NES: variants seen among roughly 807,000 people sequenced by gnomAD.
NES encodes nestin.
NES carries 27 observed loss-of-function variants against 35.6 expected under a neutral mutation model. The observed-to-expected ratio is 0.76, with a 90% CI of 0.56 to 1.04. NES has a LOEUF of 1.04. NES is among the 50% of genes least tolerant of loss of function. The pLI is 0.00. For missense variants in NES, 1,867 were observed against 1,983.6 expected (o/e 0.94, Z 1.12); for synonymous variants, 822 against 824.2 (o/e 1.00, Z 0.04).
At position 156,676,129 on chromosome 1, in the gene NES, C is replaced by A. The variant is rs552632020; in HGVS notation, c.783+353G>T. ...TGAGTGGCCAGGCCACCAGATTCAG[C>A]GCAGAGGCGACAGTGCTGGGTGTCC... On this transcript the variant is annotated intron_variant, in intron 1 of 3. Transcript: ENST00000368223. This position sits in a 1 kb window ranked among gnomAD's most constrained non-coding sequence, Gnocchi z 5.3. Among the ~76,000 whole-genome samples, 1 of 152,212 alleles carries A rather than the reference C, an allele frequency of 6.6e-6. No individual in the cohort carries two copies. Among genetic ancestry groups the A allele is most frequent in the African/African-American group, 2.4e-5 (1 of 41,458 alleles).
chr1:156,669,497 C>A lies in NES; in HGVS notation c.4691G>T (p.Gly1564Val). Reference sequence around the variant, plus strand: ...CTCAGAGACTAGCGGCATTCCTTGCCCCACTTCCTCAGACTGCTCCAGCCC... The same window carrying A: ...CTCAGAGACTAGCGGCATTCCTTGCACCACTTCCTCAGACTGCTCCAGCCC... ...MNGLEQSEEV[G>V]QGMPLVSEGD... is the part of the protein sequence containing the mutation. Residue 1564 changes from glycine to valine, a missense_variant, in exon 4 of 4, where the codon GGG (glycine) becomes GTG (valine). Coordinates refer to ENST00000368223, the MANE Select transcript of NES (RefSeq NM_006617.2). The A allele has an allele frequency of 6.2e-7, 1 of 1,613,080 alleles. No individual in the cohort carries two copies. The highest frequency in any genetic ancestry group is 8.5e-7 in the Non-Finnish European group (1 of 1,179,328).
Position 156,669,278 on chromosome 1 carries a change from T to G in NES, c.*44A>C, listed in dbSNP as rs770365665. The G allele has an allele frequency of 2.8e-6, 4 of 1,416,756 alleles. No homozygotes were observed. The highest frequency in any genetic ancestry group is 3.8e-6 in the Non-Finnish European group (4 of 1,048,868). The allele number at this position is 1,416,756 out of a possible 1,614,324, so 87.8% of individuals were successfully genotyped here. A position where few individuals can be genotyped will look rare whatever the true frequency, so the allele number is the denominator to read the frequency against. On this transcript the variant is annotated 3_prime_UTR_variant, in exon 4 of 4. Coordinates refer to ENST00000368223, the MANE Select transcript of NES (RefSeq NM_006617.2). ...AGCGGGCTTGGAGGCGTCCTTCCCC[T>G]CCCCGCACCCCTAAGTCCCCAGTGC...
In NES at chr1:156,677,316, G is replaced by C; in HGVS notation, c.-52C>G. On this transcript the variant is annotated 5_prime_UTR_variant, in exon 1 of 4. Transcript: ENST00000368223. This position sits in a 1 kb window ranked among gnomAD's most constrained non-coding sequence, Gnocchi z 4.5. ...GACAGACGCGGGGCACCGGGAGAAG[G>C]GAGCGGCTCGCAGAGCTTTTAGGAC... The C allele has an allele frequency of 6.7e-7, 1 of 1,488,322 alleles. No homozygotes were observed. Among genetic ancestry groups the C allele is most frequent in the African/African-American group, 1.4e-5 (1 of 69,230 alleles). 92.2% of individuals were successfully genotyped at this position (1,488,322 alleles called of 1,614,324 possible). A position where few individuals can be genotyped will look rare whatever the true frequency, so the allele number is the denominator to read the frequency against.
At position 156,672,608 on chromosome 1, in the gene NES, T is replaced by C. The variant is rs1362489982; in HGVS notation, c.1580A>G (p.Glu527Gly). Residue 527 changes from glutamate (E) to glycine (G), a missense_variant, in exon 4 of 4, where the codon GAG becomes GGG. Physicochemically the swap from Glu to Gly is moderately conservative, Grantham distance 98 (BLOSUM62 -2). Coordinates refer to ENST00000368223, the MANE Select transcript of NES (RefSeq NM_006617.2). ...CTGGATTTCCTTCCTGTTTAGATCC[T>C]CTTCTTCCCATATTTCCTGCTGCAA... ...SSLQQEIWEE[E>G]DLNRKEIQDS... 6.2e-7 allele frequency: 1 copy of C among 1,613,684 alleles called. No individual in the cohort carries two copies. The highest frequency in any genetic ancestry group is 1.7e-5 in the Admixed American group (1 of 60,034).
chr1:156,669,094 A>C lies in NES; in HGVS notation c.*228T>G. 12 of 411,470 alleles carry C rather than the reference A, an allele frequency of 2.9e-5. No individual in the cohort carries two copies. The highest frequency in any genetic ancestry group is 3.9e-5 in the Non-Finnish European group (9 of 232,200). The allele number at this position is 411,470 out of a possible 1,614,324, so 25.5% of individuals were successfully genotyped here. ...CTTAGCCTATGAGATGGAGCAGGCA[A>C]GAGATTCCCTTTGCAGGGTGGGAGG... On this transcript the variant is annotated 3_prime_UTR_variant, in exon 4 of 4. Transcript: ENST00000368223.
chr1:156,673,011 T>G lies in NES; in HGVS notation c.1177A>C (p.Thr393Pro). The part of the protein sequence containing the change: ...PTLASTPIPP[T>P]PQAPSPAVDA... ...ACAGCAGGAGAGGGTGCCTGAGGTG[T>G]GGGGGGGATGGGGGTGCTGGCCAAG... The change falls in exon 4 of 4, where the codon ACA (threonine) becomes CCA (proline). Residue 393 changes from threonine to proline, a missense_variant. Physicochemically the swap from Thr to Pro is conservative, Grantham distance 38 (BLOSUM62 -1). Transcript: ENST00000368223. The G allele has an allele frequency of 6.2e-7, 1 of 1,610,534 alleles. No homozygotes were observed. The highest frequency in any genetic ancestry group is 1.7e-4 in the Middle Eastern group (1 of 6,042).
Position 156,673,972 on chromosome 1 carries a change from C to T in NES, c.909-445G>A, listed in dbSNP as rs117656055. On this transcript the variant is annotated intron_variant, in intron 2 of 3. Coordinates refer to ENST00000368223, the MANE Select transcript of NES (RefSeq NM_006617.2). ...TCTGGGGAAGTGGGAATTCTCAGGC[C>T]GTTCCCATGGGATGGGCTCCCTCCT... Among the ~76,000 whole-genome samples, 120 of 152,316 alleles carry T rather than the reference C, an allele frequency of 7.9e-4. 1 individual carries two copies. The East Asian group carries it at 0.018, about 23-fold the overall frequency.
At position 156,669,960 on chromosome 1, in the gene NES, C is replaced by T. The variant is rs1001947132; in HGVS notation, c.4228G>A (p.Asp1410Asn). ...PAAWDRDGES[D>N]GFADEEESGE... ...CTTTCTTCCTCATCTGCAAACCCAT[C>T]GGACTCCCCATCTCGATCCCAGGCT... The change falls in exon 4 of 4, where the codon GAT (aspartate) becomes AAT (asparagine). Residue 1410 changes from aspartate (D) to asparagine (N), a missense_variant. Physicochemically the swap from Asp to Asn is conservative, Grantham distance 23. Coordinates refer to ENST00000368223, the MANE Select transcript of NES (RefSeq NM_006617.2). 15 of 1,613,420 alleles carry T rather than the reference C, an allele frequency of 9.3e-6. No homozygotes were observed. Among genetic ancestry groups the T allele is most frequent in the Non-Finnish European group, 1.1e-5 (13 of 1,179,820 alleles).
chr1:156,673,330 G>T, intron 3 of NES, 124 bp downstream of exon 3: 1 of 1,304,760 alleles, frequency 7.7e-7, no homozygotes, highest in Non-Finnish European at 1.1e-6. Context: ...TGGGCTGAGA[G>T]CATGCTCACT....
chr1:156,672,608 T>A lies in NES; in HGVS notation c.1580A>T (p.Glu527Val). The change falls in exon 4 of 4, where the codon GAG becomes GTG. Residue 527 changes from glutamate (E) to valine (V), a missense_variant. By Grantham distance (121) the Glu-to-Val change is moderately radical (BLOSUM62 -2). Transcript: ENST00000368223. ...CTGGATTTCCTTCCTGTTTAGATCC[T>A]CTTCTTCCCATATTTCCTGCTGCAA... is the stretch of plus-strand genomic sequence containing the variant. ...SSLQQEIWEE[E>V]DLNRKEIQDS... The A allele has an allele frequency of 6.2e-7, 1 of 1,613,684 alleles. No homozygotes were observed. The highest frequency in any genetic ancestry group is 8.5e-7 in the Non-Finnish European group (1 of 1,179,864).
chr1:156,674,753 C>T (rs894936719), intron 2 of NES, among the ~76,000 whole-genome samples: 2 of 152,244 alleles, frequency 1.3e-5, no homozygotes, highest in African/African-American at 4.8e-5. Context: ...GGAAGTCCCC[C>T]AGCCCAGCCC....
chr1:156,668,898 GCTACTGCAGTGAGATGGTGCA>G lies in NES; in HGVS notation c.*403_*423del. 1 of 162,044 alleles carries G rather than the reference GCTACTGCAGTGAGATGGTGCA, an allele frequency of 6.2e-6. No individual in the cohort carries two copies. The highest frequency in any genetic ancestry group is 1.8e-4 in the East Asian group (1 of 5,484). 10.0% of individuals were successfully genotyped at this position (162,044 alleles called of 1,614,324 possible). On this transcript the variant is annotated 3_prime_UTR_variant, in exon 4 of 4. Coordinates refer to ENST00000368223, the MANE Select transcript of NES (RefSeq NM_006617.2). The stretch of plus-strand genomic sequence containing the variant: ...CAGGCCAGACGGCCCAGGAGGGCGT[GCTACTGCAGTGAGATGGTGCA>G]CTACTGCAGTGAGGTGGCGCAGGGC...
intron 1 of NES, 147 bp from the exon 2 acceptor site, chr1:156,675,487 T>G: frequency 1.1e-6 from 1 of 921,130 alleles, no homozygotes. Flanking sequence ...TCCCCTACCC[T>G]ATTCCCTGCC....
At position 156,669,894 on chromosome 1, in the gene NES, G is replaced by A. The variant is rs760250478; in HGVS notation, c.4294C>T (p.Pro1432Ser). 6.2e-7 allele frequency: 1 copy of A among 1,613,398 alleles called. No individual in the cohort carries two copies. The highest frequency in any genetic ancestry group is 1.1e-5 in the South Asian group (1 of 91,028). ...GEEDQEEGRE[P>S]GAGRWGPGSS... ...CCTGGCCCCCACCGCCCAGCCCCTGGCTCCCTCCCCTCCTCCTGATCCTCC... is the reference window on the plus strand; with the variant it reads ...CCTGGCCCCCACCGCCCAGCCCCTGACTCCCTCCCCTCCTCCTGATCCTCC... Residue 1432 changes from proline to serine, a missense_variant, in exon 4 of 4, where the codon CCA (proline) becomes TCA (serine). Coordinates refer to ENST00000368223, the MANE Select transcript of NES (RefSeq NM_006617.2).
At position 156,669,223 on chromosome 1, in the gene NES, G is replaced by A. The variant is rs1213579954; in HGVS notation, c.*99C>T. The A allele has an allele frequency of 2.2e-5, 17 of 785,726 alleles. No individual in the cohort carries two copies. The highest frequency in any genetic ancestry group is 5.2e-5 in the East Asian group (2 of 38,620). The allele number at this position is 785,726 out of a possible 1,614,324, so 48.7% of individuals were successfully genotyped here. On this transcript the variant is annotated 3_prime_UTR_variant, in exon 4 of 4. Transcript: ENST00000368223. ...GCCAGAAACCATATGTCAAGAGATC[G>A]TAAGTTAAGAGTGCTGCTCCTGAGC... is the stretch of plus-strand genomic sequence containing the variant.
Position 156,676,050 on chromosome 1 carries a change from G to C in NES, c.783+432C>G, listed in dbSNP as rs560644945. On this transcript the variant is annotated intron_variant, in intron 1 of 3. Coordinates refer to ENST00000368223, the MANE Select transcript of NES (RefSeq NM_006617.2). The surrounding 1 kb of genome is among the most constrained non-coding windows in gnomAD (Gnocchi z 5.3). The stretch of plus-strand genomic sequence containing the variant: ...AGGGGGCTGGTAGCCATTCATTCAC[G>C]GCCCCTCACTCCTCCCCTCAGGAGA... 3.3e-5 allele frequency among the ~76,000 whole-genome samples: 5 copies of C among 152,214 alleles called. No individual in the cohort carries two copies. Among genetic ancestry groups the C allele is most frequent in the Admixed American group, 6.5e-5 (1 of 15,290 alleles).
chr1:156,673,321 G>A, intron 3 of NES, 116 bp from the exon 4 acceptor site: 1 of 1,305,976 alleles, frequency 7.7e-7, no homozygotes, highest in Non-Finnish European at 1.1e-6. Context: ...GCCCATGGCT[G>A]GGCTGAGAGC....
chr1:156,669,004 A>G lies in NES; in HGVS notation c.*318T>C. 4.1e-6 allele frequency: 1 copy of G among 243,458 alleles called. No homozygotes were observed. The highest frequency in any genetic ancestry group is 1.3e-3 in the Middle Eastern group (1 of 770). The allele number at this position is 243,458 out of a possible 1,614,324, so 15.1% of individuals were successfully genotyped here. On this transcript the variant is annotated 3_prime_UTR_variant, in exon 4 of 4. Coordinates refer to ENST00000368223, the MANE Select transcript of NES (RefSeq NM_006617.2). Reference sequence around the variant, plus strand: ...CTCCCTTTGGAGAAGCCTCTGGGCCACAGGCCTTTTCCAGCTGACGGGATG... The same window carrying G: ...CTCCCTTTGGAGAAGCCTCTGGGCCGCAGGCCTTTTCCAGCTGACGGGATG...
In NES at chr1:156,669,710, G is replaced by A; in HGVS notation, c.4478C>T (p.Ala1493Val). 6.2e-7 allele frequency: 1 copy of A among 1,614,036 alleles called. No individual in the cohort carries two copies. The highest frequency in any genetic ancestry group is 8.5e-7 in the Non-Finnish European group (1 of 1,179,978). The stretch of plus-strand genomic sequence containing the variant: ...CTCTTCCTCTGAGCCAGAAGGCTCA[G>A]CACTGTCCTGGGACTCCGTTTCCAG... ...TALETESQDS[A>V]EPSGSEEESD... is the part of the protein sequence containing the mutation. The change falls in exon 4 of 4, where the codon GCT becomes GTT. Residue 1493 changes from alanine (A) to valine (V), a missense_variant. Coordinates refer to ENST00000368223, the MANE Select transcript of NES (RefSeq NM_006617.2).
Sources: gnomAD v4.1 joint callset for allele counts (sites outside exome capture counted in the v4.1 genomes callset) on GRCh38, gnomAD v4.1.1 for gene constraint, Gnocchi (gnomAD v3.1) non-coding constraint, MANE v1.5 for transcripts, NCBI Gene and HGNC (gene_info 2026-07-23, HGNC 2026-07-21) for gene names.